RBM5: variants seen among roughly 807,000 people sequenced by gnomAD.
RBM5 encodes RNA-binding protein 5.
Under a neutral mutation model 124.6 loss-of-function variants are expected in RBM5, and 15 were observed. That is an observed-to-expected ratio of 0.12 (90% CI 0.08 to 0.19). The LOEUF is 0.19. Among genes scored for constraint, RBM5 ranks in the 10% least tolerant of loss-of-function variants. The pLI is 1.00. For synonymous variants in RBM5, 337 were observed against 361.2 expected (o/e 0.93, Z 0.76); for missense variants, 580 against 1,026.5 (o/e 0.57, Z 5.94).
rs1258415795 is a variant in RBM5 at position 50,118,342 on chromosome 3, G to A, written c.2334G>A (p.Arg778=). ...GITAPIEAQV[R]LKGAGLGAKG... The stretch of plus-strand genomic sequence containing the variant: ...CTGTGCTTTCCCAGGCTCAAGTTCG[G>A]CTAAAGGGAGCTGGCCTAGGAGCCA... The change falls in exon 25 of 25, where the codon CGG becomes CGA. Residue 778 remains arginine (R), a synonymous_variant. Coordinates refer to ENST00000347869, the MANE Select transcript of RBM5 (RefSeq NM_005778.4). 2 of 1,614,110 alleles carry A rather than the reference G, an allele frequency of 1.2e-6. No individual in the cohort carries two copies. Among genetic ancestry groups the A allele is most frequent in the Admixed American group, 1.7e-5 (1 of 60,010 alleles).
Position 50,110,635 on chromosome 3 carries a change from A to G in RBM5, c.1364-44A>G, listed in dbSNP as rs200826575. On this transcript the variant is annotated intron_variant, in intron 16 of 24. Transcript: ENST00000347869. ...TGGCTTAGAATTTGAAATAAAGCCAATTTCTTACCTGGAATGACTGTATGC... is the reference window on the plus strand; with the variant it reads ...TGGCTTAGAATTTGAAATAAAGCCAGTTTCTTACCTGGAATGACTGTATGC... The G allele has an allele frequency of 7.3e-4, 1,144 of 1,559,018 alleles. 1 individual carries two copies. The highest frequency in any genetic ancestry group is 9.3e-4 in the Non-Finnish European group (1,053 of 1,133,684).
In RBM5 at chr3:50,107,687, T is replaced by C. The variant is rs1286027330; in HGVS notation, c.1041+118T>C. 2.6e-5 allele frequency: 15 copies of C among 577,916 alleles called. No homozygotes were observed. In the African/African-American group the frequency reaches 3.0e-4, roughly 11 times the overall value. The allele number at this position is 577,916 out of a possible 1,614,324, so 35.8% of individuals were successfully genotyped here. ...CTTTTCTTTTCTTTTTTTTTTTTTT[T>C]TTTTTTTTTTTTTTTTGAGACAGAG... On this transcript the variant is annotated intron_variant, in intron 12 of 24. Coordinates refer to ENST00000347869, the MANE Select transcript of RBM5 (RefSeq NM_005778.4).
intron 17 of RBM5, 89 bp downstream of exon 17, chr3:50,110,859 A>C: frequency 9.3e-7 from 1 of 1,071,526 alleles, no homozygotes; most frequent in Non-Finnish European, 1.3e-6. Flanking sequence ...TTCCTGCAAA[A>C]GAATATATGA....
chr3:50,090,538 T>C, intron 2 of RBM5, 87 bp downstream of exon 2: 2 of 1,497,452 alleles, frequency 1.3e-6, no homozygotes, highest in Non-Finnish European at 1.8e-6. Context: ...AACTAATATA[T>C]GAGTGTTTTG....
intron 18 of RBM5, 108 bp downstream of exon 18, chr3:50,113,652 C>A: frequency 4.8e-6 from 6 of 1,262,442 alleles, no homozygotes; most frequent in Non-Finnish European, 6.4e-6. Flanking sequence ...AATTGGGCTT[C>A]ACATTTTATT....
intron 22 of RBM5, chr3:50,116,272 G>T: frequency 5.6e-6 from 2 of 357,840 alleles, no homozygotes; most frequent in South Asian, 7.0e-5. Context: ...GGAGAGAGTG[G>T]TCTAGTTTGG....
chr3:50,096,357 G>A (rs1006037655), intron 4 of RBM5, among the ~76,000 whole-genome samples: 2 of 151,104 alleles, frequency 1.3e-5, no homozygotes, highest in South Asian at 4.2e-4. Flanking sequence ...TCTTAATGGC[G>A]CTTGTCTGTG....
At chr3:50,092,620 A>G (rs1051903133) in intron 3 of RBM5, 19 of 346,382 alleles carry the variant, frequency 5.5e-5, no homozygotes, top group Admixed American at 1.0e-4. Context: ...ATCACCATGT[A>G]CTTTTGAGCA....
chr3:50,100,755 A>G lies in RBM5; in HGVS notation c.483+150A>G, dbSNP rs973369097. 1.0e-5 allele frequency: 6 copies of G among 586,994 alleles called. No homozygotes were observed. The highest frequency in any genetic ancestry group is 1.8e-5 in the Non-Finnish European group (6 of 341,242). 36.4% of individuals were successfully genotyped at this position (586,994 alleles called of 1,614,324 possible). ...ATATTAAAATTGATGTTACTAGAAT[A>G]AGTACAGTACCAAGGACTTCATTAT... On this transcript the variant is annotated intron_variant, in intron 6 of 24. Coordinates refer to ENST00000347869, the MANE Select transcript of RBM5 (RefSeq NM_005778.4). This position sits in a 1 kb window ranked among gnomAD's most constrained non-coding sequence, Gnocchi z 5.1.
Position 50,100,740 on chromosome 3 carries a change from T to G in RBM5, c.483+135T>G. ...AAAAAAGCTTTGTATATATTAAAAT[T>G]GATGTTACTAGAATAAGTACAGTAC... On this transcript the variant is annotated intron_variant, in intron 6 of 24. Transcript: ENST00000347869. The surrounding 1 kb of genome is among the most constrained non-coding windows in gnomAD (Gnocchi z 5.1). The G allele has an allele frequency of 1.6e-6, 1 of 633,234 alleles. No individual in the cohort carries two copies. Among genetic ancestry groups the G allele is most frequent in the Non-Finnish European group, 2.6e-6 (1 of 379,416 alleles). 39.2% of individuals were successfully genotyped at this position (633,234 alleles called of 1,614,324 possible).
intron 2 of RBM5, 57 bp from the exon 3 acceptor site, chr3:50,091,986 T>A (rs2090711670): frequency 6.4e-7 from 1 of 1,556,028 alleles, no homozygotes; most frequent in Non-Finnish European, 8.9e-7. Flanking sequence ...TTTAACTATG[T>A]CTTTTAAAGG....
chr3:50,114,068 C>T lies in RBM5; in HGVS notation c.1736C>T (p.Ala579Val), dbSNP rs138341530. 6 of 1,614,116 alleles carry T rather than the reference C, an allele frequency of 3.7e-6. No homozygotes were observed. Among genetic ancestry groups the T allele is most frequent in the African/African-American group, 1.3e-5 (1 of 74,950 alleles). The change falls in exon 19 of 25, where the codon GCA becomes GTA. Residue 579 changes from alanine (A) to valine (V), a missense_variant. Ala to Val is a moderately conservative substitution (Grantham distance 64). Coordinates refer to ENST00000347869, the MANE Select transcript of RBM5 (RefSeq NM_005778.4). Reference protein sequence around the residue: ...REEERRESAAADAGFALFEKK... With the variant: ...REEERRESAAVDAGFALFEKK... ...GAAGAAAGGAGAGAATCTGCTGCAG[C>T]AGACGCTGGCTTTGCTCTCTTTGAG... is the stretch of plus-strand genomic sequence containing the variant.
At chr3:50,096,096 T>C (rs1350624029) in intron 4 of RBM5, among the ~76,000 whole-genome samples, 3 of 152,246 alleles carry the variant, frequency 2.0e-5, no homozygotes, top group African/African-American at 4.8e-5. Flanking sequence ...ACACTGTACA[T>C]GTTAGATGCT....
At chr3:50,091,722 G>A (rs150671137) in intron 2 of RBM5, among the ~76,000 whole-genome samples, 44 of 152,306 alleles carry the variant, frequency 2.9e-4, no homozygotes, top group African/African-American at 1.1e-3. Flanking sequence ...CTGAATCAGG[G>A]ATGAAGGGAT....
At chr3:50,110,977 CAA>C (rs569041333) in intron 17 of RBM5, 1 of 532,428 alleles carries the variant, frequency 1.9e-6, no homozygotes, top group African/African-American at 1.9e-5. Context: ...AATATACACA[CAA>C]AAAAATACAC....
At position 50,098,809 on chromosome 3, in the gene RBM5, T is replaced by C. The variant is rs79021637; in HGVS notation, c.340-1173T>C. Reference sequence around the variant, plus strand: ...TCCCCAGGCTGGTCTCACACTCCTGTGCTCAAGCGCTCATCTTGCCTCATC... The same window carrying C: ...TCCCCAGGCTGGTCTCACACTCCTGCGCTCAAGCGCTCATCTTGCCTCATC... On this transcript the variant is annotated intron_variant, in intron 4 of 24. Transcript: ENST00000347869. 3.2e-3 allele frequency among the ~76,000 whole-genome samples: 491 copies of C among 152,244 alleles called. 2 individuals are homozygous for C. The highest frequency in any genetic ancestry group is 0.011 in the African/African-American group (459 of 41,560).
At chr3:50,105,809 A>G in intron 10 of RBM5, 100 bp downstream of exon 10, 1 of 1,288,676 alleles carries the variant, frequency 7.8e-7, no homozygotes, top group Non-Finnish European at 1.1e-6. Flanking sequence ...CTAAAGCCCA[A>G]GATGCAAGGC....
At chr3:50,105,332 T>C (rs981876705) in intron 9 of RBM5, among the ~76,000 whole-genome samples, 190 bp downstream of exon 9, 5 of 151,754 alleles carry the variant, frequency 3.3e-5, no homozygotes, top group African/African-American at 1.2e-4. Context: ...TTGACCTCAG[T>C]TGGAAATTTC....
rs1358082022 is a variant in RBM5, at chr3:50,107,814, G to C, written c.1041+245G>C. On this transcript the variant is annotated intron_variant, in intron 12 of 24. Transcript: ENST00000347869. ...TGGTTCTTCTGTCTCAGCCTCTTGA[G>C]TAGCTGGGATTACAGGTACCTGCCA... Among the ~76,000 whole-genome samples, 4 of 148,696 alleles carry C rather than the reference G, an allele frequency of 2.7e-5. No individual in the cohort carries two copies. In the Admixed American group the frequency reaches 2.7e-4, roughly 10 times the overall value.
Sources: gnomAD v4.1 joint callset for allele counts (sites outside exome capture counted in the v4.1 genomes callset) on GRCh38, gnomAD v4.1.1 for gene constraint, Gnocchi (gnomAD v3.1) non-coding constraint, MANE v1.5 for transcripts, NCBI Gene and HGNC (gene_info 2026-07-23, HGNC 2026-07-21) for gene names.